The following MED21 variants were observed in gnomAD, a reference collection of about 807,000 sequenced individuals.
MED21 encodes mediator of RNA polymerase II transcription subunit 21.
A neutral mutation model predicts 18.2 loss-of-function variants in MED21; 9 were observed. That is an observed-to-expected ratio of 0.49 (90% CI 0.30 to 0.86). MED21 has a LOEUF of 0.86. Among genes scored for constraint, MED21 ranks in the 40% least tolerant of loss-of-function variants. The pLI is 0.07. For synonymous variants in MED21, 73 were observed against 60.5 expected (o/e 1.21, Z -0.96); for missense variants, 150 against 170.9 (o/e 0.88, Z 0.68).
At chr12:27,037,877 C>G (rs1456985854) in intron 2 of MED21, 1 of 152,152 alleles carries the variant, frequency 6.6e-6, no homozygotes, top group Non-Finnish European at 1.5e-5. Flanking sequence ...GTATGATCAT[C>G]TATCTTGATT....
chr12:27,026,504 A>T lies in MED21; in HGVS notation c.127A>T (p.Asn43Tyr). Reference sequence around the variant, plus strand: ...TTTCAATAATATTCAGACAGCAATTAACAAAGACCAGCCAGCTAACCCTAC... The same window carrying T: ...TTTCAATAATATTCAGACAGCAATTTACAAAGACCAGCCAGCTAACCCTAC... Reference protein sequence around the residue: ...ASFNNIQTAINKDQPANPTEE... With the variant: ...ASFNNIQTAIYKDQPANPTEE... The change falls in exon 2 of 4, where the codon AAC becomes TAC. Residue 43 changes from asparagine to tyrosine, a missense_variant. Physicochemically the swap from Asn to Tyr is moderately radical, Grantham distance 143 (BLOSUM62 -2). Coordinates refer to ENST00000282892, the MANE Select transcript of MED21 (RefSeq NM_004264.5). 6.2e-7 allele frequency: 1 copy of T among 1,613,822 alleles called. No individual in the cohort carries two copies. Among genetic ancestry groups the T allele is most frequent in the South Asian group, 1.1e-5 (1 of 91,062 alleles).
chr12:27,026,595 A>G, intron 2 of MED21, 61 bp downstream of exon 2: 1 of 1,065,836 alleles, frequency 9.4e-7, no homozygotes, highest in Non-Finnish European at 1.4e-6. Flanking sequence ...ATCCTTTAAA[A>G]TTAGATTTCT....
chr12:27,023,302 T>TTTTTTTC (rs1555110761), intron 1 of MED21, among the ~76,000 whole-genome samples: 60 of 139,886 alleles, frequency 4.3e-4, no homozygotes, highest in Admixed American at 2.8e-4. Flanking sequence ...TTTCTTTTCT[T>TTTTTTTC]TTTTTTTTTT....
chr12:27,027,211 G>A (rs1050448055), intron 2 of MED21, 136 bp from the exon 3 acceptor site: 1 of 530,288 alleles, frequency 1.9e-6, no homozygotes, highest in East Asian at 3.6e-5. Flanking sequence ...ACAGGCGTGA[G>A]CCACCACGCC....
At chr12:27,031,707 A>G (rs1252180910), downstream of MED21, among the ~76,000 whole-genome samples, 1 of 152,200 alleles carries the variant, frequency 6.6e-6, no homozygotes, top group Non-Finnish European at 1.5e-5. Context: ...CATGAAAAAA[A>G]AAATGCTACT....
Position 27,027,453 on chromosome 12 carries a change from C to G in MED21, c.258+6C>G. The G allele has an allele frequency of 6.3e-7, 1 of 1,592,968 alleles. No individual in the cohort carries two copies. The highest frequency in any genetic ancestry group is 8.6e-7 in the Non-Finnish European group (1 of 1,166,138). ...AATCTACAGCTGCTTTACAGGTAAG[C>G]CTCTATTCCTTTGAGAATTTTACCA... On this transcript the variant is annotated splice_donor_region_variant and intron_variant, in intron 3 of 3. Coordinates refer to ENST00000282892, the MANE Select transcript of MED21 (RefSeq NM_004264.5).
downstream of MED21, among the ~76,000 whole-genome samples, chr12:27,035,161 A>G (rs1591795163): frequency 6.6e-6 from 1 of 152,194 alleles, no homozygotes; most frequent in Admixed American, 6.5e-5. Context: ...AGCCATGATC[A>G]TGACACCACA....
downstream of MED21, among the ~76,000 whole-genome samples, chr12:27,035,214 C>T (rs902954993): frequency 1.4e-4 from 21 of 151,984 alleles, no homozygotes; most frequent in African/African-American, 4.8e-4. Context: ...CTGTCTCAAA[C>T]AAAATAAAAA....
At chr12:27,037,633 C>T (rs943004443) in intron 2 of MED21, 1 of 152,078 alleles carries the variant, frequency 6.6e-6, no homozygotes, top group Non-Finnish European at 1.5e-5. Flanking sequence ...TATGTTTAAT[C>T]TCAGGAATGC....
At chr12:27,030,984 C>T (rs1592337535), downstream of MED21, among the ~76,000 whole-genome samples, 3 of 152,290 alleles carry the variant, frequency 2.0e-5, no homozygotes, top group East Asian at 1.9e-4. Context: ...CTTGGCTCAC[C>T]GCAACCTCAG....
At position 27,028,576 on chromosome 12, in the gene MED21, A is replaced by G; in HGVS notation, c.*115A>G. The G allele has an allele frequency of 7.2e-7, 1 of 1,392,512 alleles. No individual in the cohort carries two copies. Among genetic ancestry groups the G allele is most frequent in the Non-Finnish European group, 9.4e-7 (1 of 1,068,704 alleles). The allele number at this position is 1,392,512 out of a possible 1,614,324, so 86.3% of individuals were successfully genotyped here. On this transcript the variant is annotated 3_prime_UTR_variant, in exon 4 of 4. Transcript: ENST00000282892. The stretch of plus-strand genomic sequence containing the variant: ...TTACAGAAACATTAAACACTATGAC[A>G]CATTACCTTTTTAGCTATTTTTAAT...
At chr12:27,022,778 G>T in intron 1 of MED21, 157 bp downstream of exon 1, 1 of 1,529,728 alleles carries the variant, frequency 6.5e-7, no homozygotes, top group Non-Finnish European at 8.8e-7. Context: ...CCGCGAACTC[G>T]GAGGTTTGAG....
At position 27,029,782 on chromosome 12, in the gene MED21, G is replaced by A; in HGVS notation, c.*1321G>A. On this transcript the variant is annotated 3_prime_UTR_variant, in exon 4 of 4. Transcript: ENST00000282892. ...GCATAAATCTGTACTCTTCATTATAGTTTTGGGGGGAGAGAAGATTCAGTC... is the reference window on the plus strand; with the variant it reads ...GCATAAATCTGTACTCTTCATTATAATTTTGGGGGGAGAGAAGATTCAGTC... 1 of 987,762 alleles carries A rather than the reference G, an allele frequency of 1.0e-6. No individual in the cohort carries two copies. Among genetic ancestry groups the A allele is most frequent in the South Asian group, 4.7e-5 (1 of 21,282 alleles). 61.2% of individuals were successfully genotyped at this position (987,762 alleles called of 1,614,324 possible).
chr12:27,027,476 C>T (rs370340605), intron 3 of MED21, 29 bp downstream of exon 3: 1 of 1,523,456 alleles, frequency 6.6e-7, no homozygotes, highest in Non-Finnish European at 9.1e-7. Context: ...GAGAATTTTA[C>T]CAGTAATAGA....
chr12:27,032,034 G>A (rs115173087), downstream of MED21, among the ~76,000 whole-genome samples: 1,483 of 152,248 alleles, frequency 9.7e-3, 25 homozygotes, highest in African/African-American at 0.033. Context: ...GACCAAAAAC[G>A]ACGGATGTGT....
At chr12:27,034,857 T>G (rs1048222637), downstream of MED21, among the ~76,000 whole-genome samples, 3 of 152,020 alleles carry the variant, frequency 2.0e-5, no homozygotes, top group East Asian at 1.9e-4. Context: ...TCCAAGTGCT[T>G]CTTATGCCTC....
Position 27,028,605 on chromosome 12 carries a change from C to T in MED21, c.*144C>T, listed in dbSNP as rs912408486. 5.3e-6 allele frequency: 7 copies of T among 1,315,590 alleles called. No homozygotes were observed. The highest frequency in any genetic ancestry group is 6.8e-6 in the Non-Finnish European group (7 of 1,028,432). The allele number at this position is 1,315,590 out of a possible 1,614,324, so 81.5% of individuals were successfully genotyped here. On this transcript the variant is annotated 3_prime_UTR_variant, in exon 4 of 4. Transcript: ENST00000282892. The stretch of plus-strand genomic sequence containing the variant: ...TACCTTTTTAGCTATTTTTAATAGT[C>T]TTCTATTTTCACTCTTGATAAGCTT...
downstream of MED21, among the ~76,000 whole-genome samples, chr12:27,035,094 A>G (rs1048736415): frequency 7.2e-5 from 11 of 152,244 alleles, no homozygotes; most frequent in Non-Finnish European, 1.5e-4. Flanking sequence ...GCATGCCTGA[A>G]GTTCCAGCTA....
intron 1 of MED21, among the ~76,000 whole-genome samples, chr12:27,025,146 C>G (rs1941527277): frequency 6.6e-6 from 1 of 152,120 alleles, no homozygotes; most frequent in Admixed American, 6.5e-5. Context: ...TGTGTTTCCT[C>G]TATTACAACA....
Sources: allele counts gnomAD v4.1 joint callset (sites outside exome capture counted in the v4.1 genomes callset), GRCh38; gene constraint gnomAD v4.1.1; transcripts MANE v1.5; gene names NCBI Gene and HGNC (gene_info 2026-07-23, HGNC 2026-07-21).